THSD7B: variants seen among roughly 807,000 people sequenced by gnomAD.
The protein encoded by THSD7B is thrombospondin type 1 domain containing 7B.
Under a neutral mutation model 213.6 loss-of-function variants are expected in THSD7B, and 138 were observed. The observed-to-expected ratio is 0.65, with a 90% CI of 0.56 to 0.74. The LOEUF (loss-of-function observed/expected upper bound fraction) is 0.74. Ranked by LOEUF, THSD7B falls within the 30% of genes least tolerant of loss-of-function variation. The pLI is 0.00. For missense variants in THSD7B, 1,931 were observed against 1,991.5 expected (o/e 0.97, Z 0.58); for synonymous variants, 742 against 687.0 (o/e 1.08, Z -1.25).
intron 2 of THSD7B, among the ~76,000 whole-genome samples, chr2:136,980,233 G>A (rs1553462115): frequency 6.6e-6 from 1 of 152,178 alleles, no homozygotes; most frequent in Non-Finnish European, 1.5e-5. Context: ...CACCCAGTCA[G>A]GAGGCATGAA....
At chr2:137,605,952 G>A (rs967241291) in intron 17 of THSD7B, among the ~76,000 whole-genome samples, 2 of 151,824 alleles carry the variant, frequency 1.3e-5, no homozygotes, top group African/African-American at 4.8e-5. Flanking sequence ...ACAGGCACGT[G>A]CCACCATGCC....
chr2:137,343,033 T>A (rs1490836744), intron 12 of THSD7B, among the ~76,000 whole-genome samples: 2 of 151,652 alleles, frequency 1.3e-5, no homozygotes, highest in Non-Finnish European at 3.0e-5. Context: ...ATCAGGATAA[T>A]GCTGCCACAT....
At chr2:137,467,664 A>G (rs1688020180) in intron 15 of THSD7B, among the ~76,000 whole-genome samples, 1 of 152,162 alleles carries the variant, frequency 6.6e-6, no homozygotes, top group Non-Finnish European at 1.5e-5. Flanking sequence ...AAATGTTGAG[A>G]TGGGAAAATT....
chr2:137,533,669 C>A lies in THSD7B; in HGVS notation c.3139-29552C>A, dbSNP rs1347533425. Among the ~76,000 whole-genome samples the A allele has an allele frequency of 7.2e-5, 11 of 151,778 alleles. No individual in the cohort carries two copies. The East Asian group carries it at 2.1e-3, about 29-fold the overall frequency. On this transcript the variant is annotated intron_variant, in intron 15 of 27. Transcript: ENST00000409968. ...CTTCAAAAGAAGAAAACAATTATTC[C>A]CTAAATAGATTATTATATTTGTTTT...
intron 2 of THSD7B, among the ~76,000 whole-genome samples, chr2:136,931,587 G>T (rs1684627902): frequency 6.6e-6 from 1 of 152,062 alleles, no homozygotes; most frequent in South Asian, 2.1e-4. Flanking sequence ...TGGTGCTGTG[G>T]GAAGTTGACT....
At chr2:137,256,383 C>T (rs1318353117) in intron 10 of THSD7B, among the ~76,000 whole-genome samples, 1 of 152,064 alleles carries the variant, frequency 6.6e-6, no homozygotes, top group African/African-American at 2.4e-5. Flanking sequence ...AGAAGGGAGT[C>T]CTGTGATTGG....
chr2:137,552,811 T>C (rs1198379101), intron 15 of THSD7B, among the ~76,000 whole-genome samples: 1 of 152,124 alleles, frequency 6.6e-6, no homozygotes, highest in Non-Finnish European at 1.5e-5. Flanking sequence ...AGTTGCTGAT[T>C]GAATAAGAAA....
intron 12 of THSD7B, among the ~76,000 whole-genome samples, chr2:137,366,879 C>G (rs1685420230): frequency 6.6e-6 from 1 of 151,980 alleles, no homozygotes; most frequent in Admixed American, 6.6e-5. Context: ...CTTTATTATA[C>G]TATTTCCCTT....
intron 1 of THSD7B, among the ~76,000 whole-genome samples, chr2:136,872,523 T>C (rs1683446102): frequency 6.6e-6 from 1 of 151,992 alleles, no homozygotes; most frequent in Non-Finnish European, 1.5e-5. Flanking sequence ...TGATCTTTTA[T>C]TTTTTCTTTT....
chr2:137,189,933 T>C (rs1680624687), intron 7 of THSD7B, among the ~76,000 whole-genome samples: 1 of 152,144 alleles, frequency 6.6e-6, no homozygotes, highest in Non-Finnish European at 1.5e-5. Flanking sequence ...TAGCACATTG[T>C]TAGACTCGAA....
intron 15 of THSD7B, among the ~76,000 whole-genome samples, chr2:137,562,643 C>G (rs1312204484): frequency 7.5e-6 from 1 of 132,600 alleles, no homozygotes; most frequent in Non-Finnish European, 1.6e-5. Flanking sequence ...TCTGTTTTAG[C>G]TACACTCTGA....
chr2:137,450,401 T>A (rs980942335), intron 14 of THSD7B, among the ~76,000 whole-genome samples: 1 of 152,180 alleles, frequency 6.6e-6, no homozygotes, highest in Non-Finnish European at 1.5e-5. Context: ...CCTCTTCCCA[T>A]CCCCAAGTCA....
intron 12 of THSD7B, among the ~76,000 whole-genome samples, chr2:137,331,773 C>T (rs547645401): frequency 2.6e-5 from 4 of 152,324 alleles, no homozygotes; most frequent in Admixed American, 6.5e-5. Flanking sequence ...AGCTAAGGCT[C>T]GGTGAGAAAT....
At chr2:137,149,294 A>AGGG (rs2104972798) in intron 5 of THSD7B, among the ~76,000 whole-genome samples, 2 of 152,320 alleles carry the variant, frequency 1.3e-5, no homozygotes, top group East Asian at 3.9e-4. Flanking sequence ...AGTTTTCTGC[A>AGGG]GGGGTGAAAC....
intron 27 of THSD7B, among the ~76,000 whole-genome samples, chr2:137,669,616 C>T (rs748389669): frequency 3.9e-5 from 6 of 152,090 alleles, no homozygotes; most frequent in South Asian, 2.1e-4. Context: ...GCAAAGGACA[C>T]GAAGGTTTGG....
intron 5 of THSD7B, among the ~76,000 whole-genome samples, chr2:137,117,051 A>T (rs1688458337): frequency 2.0e-5 from 3 of 152,170 alleles, no homozygotes; most frequent in African/African-American, 7.2e-5. Flanking sequence ...ACGACTGTAT[A>T]CTCCTGTACA....
At chr2:137,295,384 C>T (rs1288384637) in intron 12 of THSD7B, among the ~76,000 whole-genome samples, 2 of 152,100 alleles carry the variant, frequency 1.3e-5, no homozygotes, top group Non-Finnish European at 2.9e-5. Context: ...ATTTCTATGG[C>T]AATTTTGAAC....
intron 4 of THSD7B, among the ~76,000 whole-genome samples, chr2:137,110,802 A>G (rs1329952122): frequency 6.6e-6 from 1 of 152,244 alleles, no homozygotes; most frequent in Non-Finnish European, 1.5e-5. Flanking sequence ...GACTGCATAT[A>G]CGATGGTCCC....
chr2:137,051,815 C>G (rs2104872144), intron 2 of THSD7B, among the ~76,000 whole-genome samples: 1 of 152,204 alleles, frequency 6.6e-6, no homozygotes, highest in South Asian at 2.1e-4. Context: ...GGAGAGTGTG[C>G]TTATTTTCTT....
Sources: allele counts gnomAD v4.1 joint callset (sites outside exome capture counted in the v4.1 genomes callset), GRCh38; gene constraint gnomAD v4.1.1; transcripts MANE v1.5; gene names NCBI Gene and HGNC (gene_info 2026-07-23, HGNC 2026-07-21).